The following AFG2B variants were observed in gnomAD, a reference collection of about 807,000 sequenced individuals.
AFG2B encodes the protein AAA ATPase AFG2B.
At chr15:45,415,594 G>A in the AFG2B span, 7 of 1,612,500 alleles carry the variant, frequency 4.3e-6, no homozygotes, top group African/African-American at 2.7e-5. Context: ...AAGATATTTC[G>A]ACAAGCAAGA....
At chr15:45,414,923 A>T in the AFG2B span, 1 of 691,688 alleles carries the variant, frequency 1.4e-6, no homozygotes, top group South Asian at 2.0e-5. Context: ...AAATATAGGA[A>T]AGTGTAAATA....
At chr15:45,421,063 A>G in the AFG2B span, 24 of 1,610,992 alleles carry the variant, frequency 1.5e-5, no homozygotes, top group South Asian at 2.7e-4. Context: ...TGGCTCTGCA[A>G]GAAAATGGAC....
At chr15:45,410,673 A>G in the AFG2B span, 7 of 800,916 alleles carry the variant, frequency 8.7e-6, no homozygotes, top group African/African-American at 1.2e-4. Flanking sequence ...ATTGCTTTTC[A>G]GTCCTTATTT....
the AFG2B span, chr15:45,417,665 T>TG: frequency 3.0e-6 from 1 of 333,500 alleles, no homozygotes; most frequent in South Asian, 4.7e-5. Flanking sequence ...GCAACTAGAG[T>TG]GGAGGAATCC....
chr15:45,410,626 C>T, the AFG2B span: 1 of 1,172,080 alleles, frequency 8.5e-7, no homozygotes. Flanking sequence ...TGCTCTTGCT[C>T]CTATCACTAA....
At chr15:45,415,376 T>C in the AFG2B span, among the ~76,000 whole-genome samples, 233 of 151,508 alleles carry the variant, frequency 1.5e-3, 1 homozygote, top group African/African-American at 5.2e-3. Context: ...GCGCACCCTA[T>C]AATCTCAGCT....
At chr15:45,404,819 A>AG in the AFG2B span, among the ~76,000 whole-genome samples, 1 of 151,018 alleles carries the variant, frequency 6.6e-6, no homozygotes, top group South Asian at 2.1e-4. Flanking sequence ...AAAAAAAAAA[A>AG]AAAAGAAAAA....
At chr15:45,413,684 C>T in the AFG2B span, among the ~76,000 whole-genome samples, 3 of 152,154 alleles carry the variant, frequency 2.0e-5, no homozygotes, top group Non-Finnish European at 4.4e-5. Context: ...GTCCATTCTC[C>T]ATACTGCTTC....
the AFG2B span, chr15:45,414,645 C>T: frequency 1.9e-6 from 3 of 1,614,038 alleles, no homozygotes; most frequent in African/African-American, 4.0e-5. Flanking sequence ...GAGTTCTCCT[C>T]TATGGGCCCC....
the AFG2B span, chr15:45,403,027 G>A: frequency 6.3e-7 from 1 of 1,578,314 alleles, no homozygotes; most frequent in East Asian, 2.3e-5. Flanking sequence ...GCAGCCCGAG[G>A]TGCCCCTGGG....
the AFG2B span, among the ~76,000 whole-genome samples, chr15:45,420,001 A>ACCCCCCCCCC: frequency 1.2e-5 from 1 of 84,664 alleles, no homozygotes; most frequent in Non-Finnish European, 2.3e-5. Flanking sequence ...CCCCCCCAAA[A>ACCCCCCCCCC]AAAAAAAAAA....
chr15:45,420,549 G>T, the AFG2B span, among the ~76,000 whole-genome samples: 1 of 152,064 alleles, frequency 6.6e-6, no homozygotes, highest in Non-Finnish European at 1.5e-5. Context: ...TCCCATTAAT[G>T]TAAAGAGGTT....
At chr15:45,419,265 C>T in the AFG2B span, among the ~76,000 whole-genome samples, 1 of 151,898 alleles carries the variant, frequency 6.6e-6, no homozygotes, top group African/African-American at 2.4e-5. Context: ...CTGGGTAATA[C>T]AGTGAGACCC....
chr15:45,419,615 G>A, the AFG2B span, among the ~76,000 whole-genome samples: 1 of 152,146 alleles, frequency 6.6e-6, no homozygotes, highest in East Asian at 1.9e-4. Context: ...GAATTAAAGT[G>A]ATCACATTTT....
chr15:45,419,997 C>CA, the AFG2B span, among the ~76,000 whole-genome samples: 1,216 of 52,950 alleles, frequency 0.023, 4 homozygotes, highest in Non-Finnish European at 0.036. Flanking sequence ...CCCCCCCCCC[C>CA]AAAAAAAAAA....
the AFG2B span, among the ~76,000 whole-genome samples, chr15:45,411,350 T>C: frequency 4.6e-5 from 7 of 152,210 alleles, no homozygotes; most frequent in Non-Finnish European, 5.9e-5. Context: ...ATGTTTGCTC[T>C]GTCACCCAGG....
the AFG2B span, among the ~76,000 whole-genome samples, chr15:45,407,781 A>G: frequency 3.9e-5 from 6 of 152,234 alleles, no homozygotes; most frequent in Admixed American, 2.0e-4. Flanking sequence ...AGAATTGGAT[A>G]TAAGAGGGCA....
the AFG2B span, chr15:45,417,593 T>C: frequency 1.9e-6 from 1 of 520,246 alleles, no homozygotes; most frequent in Non-Finnish European, 3.3e-6. Flanking sequence ...AGCCTAAATA[T>C]ATGGTGGTTA....
At chr15:45,416,950 C>A in the AFG2B span, 2 of 192,218 alleles carry the variant, frequency 1.0e-5, no homozygotes, top group Non-Finnish European at 2.2e-5. Flanking sequence ...AGGTGTAAGC[C>A]TTCATTGGAG....
Sources: allele counts gnomAD v4.1 joint callset (sites outside exome capture counted in the v4.1 genomes callset), GRCh38; gene constraint gnomAD v4.1.1; transcripts MANE v1.5; gene names NCBI Gene and HGNC (gene_info 2026-07-23, HGNC 2026-07-21).